ZNF155: variants seen among roughly 807,000 people sequenced by gnomAD.
ZNF155 encodes the protein KRAB A domain.
Under a neutral mutation model 11.9 loss-of-function variants are expected in ZNF155, and 15 were observed. The ratio of observed to expected loss-of-function variants is 1.26; its 90% CI spans 0.84 to 1.94. The LOEUF (loss-of-function observed/expected upper bound fraction) is 1.94. ZNF155 is among the 30% of genes most tolerant of loss of function. ZNF155 has a pLI of 0.00. For missense variants in ZNF155, 602 were observed against 639.1 expected (o/e 0.94, Z 0.63); for synonymous variants, 212 against 219.9 (o/e 0.96, Z 0.32).
rs62640892 is a variant in ZNF155, at chr19:43,997,210, G to T, written c.1353G>T (p.Thr451=). Residue 451 remains threonine (T), a synonymous_variant, in exon 5 of 5, where the codon ACG becomes ACT. Transcript: ENST00000270014. The part of the protein sequence containing the change: ...FNLDLHQRVH[T]GERPYNCKEC... The stretch of plus-strand genomic sequence containing the variant: ...TTGACTTGCACCAGAGGGTCCACAC[G>T]GGAGAGAGACCTTATAATTGTAAGG... 8.7e-6 allele frequency: 14 copies of T among 1,613,932 alleles called. No homozygotes were observed. In the African/African-American group the frequency reaches 1.5e-4, roughly 17 times the overall value.
Position 43,997,700 on chromosome 19 carries a change from G to T in ZNF155, c.*226G>T. 1 of 467,492 alleles carries T rather than the reference G, an allele frequency of 2.1e-6. No homozygotes were observed. Among genetic ancestry groups the T allele is most frequent in the Non-Finnish European group, 3.8e-6 (1 of 266,542 alleles). The allele number at this position is 467,492 out of a possible 1,614,324, so 29.0% of individuals were successfully genotyped here. A position where few individuals can be genotyped will look rare whatever the true frequency, so the allele number is the denominator to read the frequency against. ...TCATCCCCACATAACACAAAAAGCA[G>T]CCTGGGGAAGACAATCAAGCTACAG... On this transcript the variant is annotated 3_prime_UTR_variant, in exon 5 of 5. Coordinates refer to ENST00000270014, the MANE Select transcript of ZNF155 (RefSeq NM_198089.3).
In ZNF155 at chr19:43,996,131, G is replaced by A. The variant is rs938083918; in HGVS notation, c.274G>A (p.Ala92Thr). The change falls in exon 5 of 5, where the codon GCA becomes ACA. Residue 92 changes from alanine (A) to threonine (T), a missense_variant. Physicochemically the swap from Ala to Thr is moderately conservative, Grantham distance 58. Coordinates refer to ENST00000270014, the MANE Select transcript of ZNF155 (RefSeq NM_198089.3). Reference protein sequence around the residue: ...IQTELESVPEAGAHEEWSCQQ... With the variant: ...IQTELESVPETGAHEEWSCQQ... ...AACTGAGTTGGAGTCTGTTCCAGAA[G>A]CAGGAGCACATGAAGAGTGGTCCTG... is the stretch of plus-strand genomic sequence containing the variant. 8.1e-6 allele frequency: 13 copies of A among 1,612,378 alleles called. No homozygotes were observed. The highest frequency in any genetic ancestry group is 1.1e-5 in the Non-Finnish European group (13 of 1,178,988).
intron 1 of ZNF155, among the ~76,000 whole-genome samples, chr19:43,985,185 G>C (rs1975393097): frequency 6.6e-6 from 1 of 151,668 alleles, no homozygotes; most frequent in Admixed American, 6.6e-5. Flanking sequence ...CCTCAGCTCC[G>C]GAGTAGCTGG....
rs1303249281 is a variant in ZNF155, at chr19:43,997,448, T to C, written c.1591T>C (p.Leu531=). ...YKRRLNLDIL[L]SLFLNDT ...GAGGCGCTTGAATCTGGATATACTT[T>C]TATCATTATTTCTAAATGACACATA... The change falls in exon 5 of 5, where the codon TTA becomes CTA. Residue 531 remains leucine (L), a synonymous_variant. Coordinates refer to ENST00000270014, the MANE Select transcript of ZNF155 (RefSeq NM_198089.3). 6.3e-7 allele frequency: 1 copy of C among 1,598,090 alleles called. No homozygotes were observed. Among genetic ancestry groups the C allele is most frequent in the Non-Finnish European group, 8.5e-7 (1 of 1,175,912 alleles).
chr19:43,997,194 A>C lies in ZNF155; in HGVS notation c.1337A>C (p.His446Pro). 1 of 1,614,202 alleles carries C rather than the reference A, an allele frequency of 6.2e-7. No homozygotes were observed. Among genetic ancestry groups the C allele is most frequent in the Non-Finnish European group, 8.5e-7 (1 of 1,180,030 alleles). Reference protein sequence around the residue: ...GYVTKFNLDLHQRVHTGERPY... With the variant: ...GYVTKFNLDLPQRVHTGERPY... ...GTTACTAAGTTTAATCTTGACTTGC[A>C]CCAGAGGGTCCACACGGGAGAGAGA... The change falls in exon 5 of 5, where the codon CAC becomes CCC. Residue 446 changes from histidine (H) to proline (P), a missense_variant. By Grantham distance (77) the His-to-Pro change is moderately conservative (BLOSUM62 -2). Coordinates refer to ENST00000270014, the MANE Select transcript of ZNF155 (RefSeq NM_198089.3).
At chr19:43,994,679 C>T (rs1975772250) in intron 4 of ZNF155, among the ~76,000 whole-genome samples, 1 of 152,194 alleles carries the variant, frequency 6.6e-6, no homozygotes, top group African/African-American at 2.4e-5. Flanking sequence ...TTGTATTCTC[C>T]TGGCAGAGTA....
intron 4 of ZNF155, among the ~76,000 whole-genome samples, chr19:43,993,620 G>A (rs1187414439): frequency 6.6e-6 from 1 of 152,010 alleles, no homozygotes; most frequent in East Asian, 1.9e-4. Flanking sequence ...CACCACATTG[G>A]CCAGGCTGGT....
At chr19:43,989,390 C>A (rs971475914) in intron 2 of ZNF155, among the ~76,000 whole-genome samples, 1 of 151,236 alleles carries the variant, frequency 6.6e-6, no homozygotes, top group Non-Finnish European at 1.5e-5. Context: ...CACTTGTGTT[C>A]TGTTACTACA....
chr19:43,990,169 C>A, intron 2 of ZNF155: 1 of 1,079,866 alleles, frequency 9.3e-7, no homozygotes, highest in Non-Finnish European at 1.3e-6. Context: ...TCTAAATGTG[C>A]TTATTTTTTG....
At chr19:43,988,318 T>C (rs1975532166) in intron 1 of ZNF155, 141 bp from the exon 2 acceptor site, 2 of 402,324 alleles carry the variant, frequency 5.0e-6, no homozygotes, top group East Asian at 3.6e-5. Context: ...TAAGATTCCA[T>C]GGTATGGATA....
chr19:43,984,749 G>A (rs556386554), intron 1 of ZNF155, among the ~76,000 whole-genome samples: 1 of 152,172 alleles, frequency 6.6e-6, no homozygotes, highest in Non-Finnish European at 1.5e-5. Context: ...TCAGGTGCCC[G>A]GGTGGGGTCA....
intron 1 of ZNF155, among the ~76,000 whole-genome samples, chr19:43,987,264 C>T (rs1280393376): frequency 1.3e-5 from 2 of 152,096 alleles, no homozygotes; most frequent in Admixed American, 6.5e-5. Context: ...ATCTTCTACC[C>T]TACCCTTTAC....
intron 1 of ZNF155, among the ~76,000 whole-genome samples, chr19:43,986,934 A>G (rs997977832): frequency 6.6e-6 from 1 of 152,242 alleles, no homozygotes; most frequent in Non-Finnish European, 1.5e-5. Context: ...AAATACTACC[A>G]GGAACATATC....
rs754647698 is a variant in ZNF155 at position 43,988,536 on chromosome 19, G to A, written c.-8G>A. On this transcript the variant is annotated 5_prime_UTR_variant, in exon 2 of 5. Coordinates refer to ENST00000270014, the MANE Select transcript of ZNF155 (RefSeq NM_198089.3). ...GGAGTCTGCAAATTCCCCAAAGTAG[G>A]AGGAAAAATGACCACATTCAAGGTG... The A allele has an allele frequency of 1.2e-6, 2 of 1,606,728 alleles. No individual in the cohort carries two copies. Among genetic ancestry groups the A allele is most frequent in the Admixed American group, 3.3e-5 (2 of 59,758 alleles).
Position 43,988,567 on chromosome 19 carries a change from G to A in ZNF155, c.15+9G>A. ...AAATGACCACATTCAAGGTGAGGGG[G>A]GCGTGCCTCTCTCGCTGTTAAAATT... On this transcript the variant is annotated intron_variant, in intron 2 of 4. Transcript: ENST00000270014. The A allele has an allele frequency of 6.3e-7, 1 of 1,599,382 alleles. No homozygotes were observed. Among genetic ancestry groups the A allele is most frequent in the Non-Finnish European group, 8.5e-7 (1 of 1,170,934 alleles).
rs537678945 is a variant in ZNF155, at chr19:43,988,469, G to A, written c.-75G>A. The stretch of plus-strand genomic sequence containing the variant: ...TCTCTTTTTCTGCAGACTGTGGCAC[G>A]TTTCAGGCAGGATTCCTCCTTCATT... On this transcript the variant is annotated 5_prime_UTR_variant, in exon 2 of 5. Transcript: ENST00000270014. 13 of 1,507,172 alleles carry A rather than the reference G, an allele frequency of 8.6e-6. No individual in the cohort carries two copies. Among genetic ancestry groups the A allele is most frequent in the African/African-American group, 1.4e-5 (1 of 72,520 alleles). The allele number at this position is 1,507,172 out of a possible 1,614,324, so 93.4% of individuals were successfully genotyped here.
chr19:43,984,448 G>A (rs867170347), intron 1 of ZNF155: 2 of 106,304 alleles, frequency 1.9e-5, no homozygotes, highest in South Asian at 3.2e-4. Context: ...GTCGTCGGGG[G>A]TTCGGGGGGG....
chr19:43,996,967 A>G lies in ZNF155; in HGVS notation c.1110A>G (p.Lys370=), dbSNP rs142779106. ...YKHQVVHTGE[K]PYNCKECGKS... is the part of the protein sequence containing the mutation. ...ATCAGGTGGTCCACACAGGAGAAAA[A>G]CCATATAATTGTAAAGAATGTGGGA... The change falls in exon 5 of 5, where the codon AAA becomes AAG. Residue 370 remains lysine (K), a synonymous_variant. Coordinates refer to ENST00000270014, the MANE Select transcript of ZNF155 (RefSeq NM_198089.3). The G allele has an allele frequency of 1.2e-4, 195 of 1,614,016 alleles. 1 individual carries two copies. The highest frequency in any genetic ancestry group is 1.5e-4 in the Non-Finnish European group (180 of 1,180,004).
intron 1 of ZNF155, among the ~76,000 whole-genome samples, chr19:43,984,577 G>A (rs1975367366): frequency 6.6e-6 from 1 of 152,096 alleles, no homozygotes; most frequent in Admixed American, 6.5e-5. Context: ...GCGATATAAC[G>A]TGGGGTGTTA....
Sources: gnomAD v4.1 joint callset for allele counts (sites outside exome capture counted in the v4.1 genomes callset) on GRCh38, gnomAD v4.1.1 for gene constraint, MANE v1.5 for transcripts, NCBI Gene and HGNC (gene_info 2026-07-23, HGNC 2026-07-21) for gene names.